NCEH1: variants seen among roughly 807,000 people sequenced by gnomAD.
NCEH1 encodes neutral cholesterol ester hydrolase 1.
NCEH1 carries 9 observed loss-of-function variants against 25.4 expected under a neutral mutation model. The ratio of observed to expected loss-of-function variants is 0.35; its 90% CI spans 0.21 to 0.62. The LOEUF (loss-of-function observed/expected upper bound fraction) is 0.62. Among genes scored for constraint, NCEH1 ranks in the 20% least tolerant of loss-of-function variants. NCEH1 has a pLI of 0.72. For synonymous variants in NCEH1, 200 were observed against 199.8 expected (o/e 1.00, Z -0.01); for missense variants, 412 against 501.1 (o/e 0.82, Z 1.70).
intron 2 of NCEH1, 48 bp downstream of exon 2, chr3:172,647,838 C>G: frequency 1.9e-6 from 3 of 1,609,080 alleles, no homozygotes; most frequent in Non-Finnish European, 2.5e-6. Flanking sequence ...CGCATCTCCC[C>G]CAAGGCCAAC....
In NCEH1 at chr3:172,633,468, T is replaced by C. The variant is rs1716457095; in HGVS notation, c.*7A>G. On this transcript the variant is annotated 3_prime_UTR_variant, in exon 5 of 5. Transcript: ENST00000475381. The stretch of plus-strand genomic sequence containing the variant: ...AGGGGCTCGAGGCTTCTGGAAGTTT[T>C]GCTCCTTTACAGGTTTTGATCTAGC... The C allele has an allele frequency of 6.2e-7, 1 of 1,608,038 alleles. No individual in the cohort carries two copies. The highest frequency in any genetic ancestry group is 8.5e-7 in the Non-Finnish European group (1 of 1,176,072).
At chr3:172,676,405 T>C (rs1711999393) in intron 1 of NCEH1, among the ~76,000 whole-genome samples, 2 of 152,126 alleles carry the variant, frequency 1.3e-5, no homozygotes, top group Admixed American at 1.3e-4. Flanking sequence ...TAATACCATG[T>C]GTTCAGAACA....
In NCEH1 at chr3:172,631,759, T is replaced by C. The variant is rs570468296; in HGVS notation, c.*1716A>G. ...AACTTTTCATTTGTTATTTCGTTGCTGGAAGTGGGAAATACCCCATCTTCC... is the reference window on the plus strand; with the variant it reads ...AACTTTTCATTTGTTATTTCGTTGCCGGAAGTGGGAAATACCCCATCTTCC... On this transcript the variant is annotated 3_prime_UTR_variant, in exon 5 of 5. Transcript: ENST00000475381. 2 of 152,716 alleles carry C rather than the reference T, an allele frequency of 1.3e-5. No homozygotes were observed. Among genetic ancestry groups the C allele is most frequent in the Admixed American group, 6.5e-5 (1 of 15,308 alleles). 9.5% of individuals were successfully genotyped at this position (152,716 alleles called of 1,614,324 possible).
At chr3:172,664,772 G>A (rs1718127647) in intron 1 of NCEH1, among the ~76,000 whole-genome samples, 1 of 152,058 alleles carries the variant, frequency 6.6e-6, no homozygotes, top group African/African-American at 2.4e-5. Flanking sequence ...TTGTGCATGT[G>A]TCACGTAGTT....
intron 1 of NCEH1, among the ~76,000 whole-genome samples, chr3:172,683,797 G>C (rs1712543950): frequency 6.6e-6 from 1 of 152,184 alleles, no homozygotes; most frequent in African/African-American, 2.4e-5. Context: ...TTTTCAAGAA[G>C]AATACATCTA....
At chr3:172,698,628 T>C (rs747814632) in intron 1 of NCEH1, among the ~76,000 whole-genome samples, 1 of 152,216 alleles carries the variant, frequency 6.6e-6, no homozygotes, top group Middle Eastern at 3.2e-3. Flanking sequence ...CAGATGACTA[T>C]CAAATGTGGA....
chr3:172,681,093 C>T (rs1377699404), intron 1 of NCEH1: 1 of 151,154 alleles, frequency 6.6e-6, no homozygotes, highest in African/African-American at 2.4e-5. Flanking sequence ...ACCATAGAGG[C>T]TCAGGGCCCT....
intron 1 of NCEH1, among the ~76,000 whole-genome samples, chr3:172,685,949 G>T (rs1712672081): frequency 6.6e-6 from 1 of 152,182 alleles, no homozygotes; most frequent in Non-Finnish European, 1.5e-5. Context: ...ACAGCAGATG[G>T]AGGACACAAC....
chr3:172,633,130 A>G lies in NCEH1; in HGVS notation c.*345T>C, dbSNP rs1222162241. The G allele has an allele frequency of 1.2e-5, 3 of 252,276 alleles. No homozygotes were observed. The highest frequency in any genetic ancestry group is 2.3e-5 in the Non-Finnish European group (3 of 130,370). The allele number at this position is 252,276 out of a possible 1,614,324, so 15.6% of individuals were successfully genotyped here. Reference sequence around the variant, plus strand: ...TCACTCTATGATCCAGAGCTGGAAGAACTGCTTCTAAAAAGAACGTCCTAA... The same window carrying G: ...TCACTCTATGATCCAGAGCTGGAAGGACTGCTTCTAAAAAGAACGTCCTAA... On this transcript the variant is annotated 3_prime_UTR_variant, in exon 5 of 5. Coordinates refer to ENST00000475381, the MANE Select transcript of NCEH1 (RefSeq NM_020792.6).
intron 3 of NCEH1, among the ~76,000 whole-genome samples, chr3:172,644,562 C>T (rs2108494362): frequency 6.6e-6 from 1 of 152,298 alleles, no homozygotes; most frequent in East Asian, 1.9e-4. Flanking sequence ...GACTTATTCC[C>T]CTACCCCATC....
At chr3:172,673,012 T>C (rs1420611554) in intron 1 of NCEH1, among the ~76,000 whole-genome samples, 2 of 152,190 alleles carry the variant, frequency 1.3e-5, no homozygotes, top group Admixed American at 6.5e-5. Flanking sequence ...ACTGCCATCA[T>C]AGCATAGGAG....
intron 1 of NCEH1, among the ~76,000 whole-genome samples, chr3:172,694,370 T>TTATA (rs141179712): frequency 0.12 from 18,264 of 149,484 alleles, 1,223 homozygotes; most frequent in Non-Finnish European, 0.16. Context: ...GGGGAAAGAG[T>TTATA]TATATATATG....
intron 1 of NCEH1, among the ~76,000 whole-genome samples, chr3:172,692,438 G>T (rs1713116207): frequency 6.6e-6 from 1 of 152,138 alleles, no homozygotes; most frequent in Admixed American, 6.6e-5. Context: ...GCTCACTGTA[G>T]CCTCAATTTC....
intron 1 of NCEH1, among the ~76,000 whole-genome samples, chr3:172,705,802 G>T (rs1713947575): frequency 6.6e-6 from 1 of 152,074 alleles, no homozygotes; most frequent in Non-Finnish European, 1.5e-5. Flanking sequence ...TTCAAAACCA[G>T]CCTGACCAAC....
intron 2 of NCEH1, among the ~76,000 whole-genome samples, chr3:172,647,289 C>T (rs1020618414): frequency 6.6e-6 from 1 of 152,204 alleles, no homozygotes; most frequent in African/African-American, 2.4e-5. Context: ...CTCTGTTTGG[C>T]TGCCTGCCAT....
At chr3:172,696,053 C>A (rs1023274593) in intron 1 of NCEH1, among the ~76,000 whole-genome samples, 1 of 152,090 alleles carries the variant, frequency 6.6e-6, no homozygotes, top group Non-Finnish European at 1.5e-5. Context: ...AATCTACGGA[C>A]CCTAAAACTT....
intron 3 of NCEH1, among the ~76,000 whole-genome samples, chr3:172,644,221 A>AGTGACTAGGGCTTTGGG (rs1717005881): frequency 7.9e-6 from 1 of 126,058 alleles, no homozygotes; most frequent in Non-Finnish European, 1.7e-5. Flanking sequence ...AGGGCTTTTG[A>AGTGACTAGGGCTTTGGG]GTGACTCTAG....
At chr3:172,666,621 T>A (rs1283489630) in intron 1 of NCEH1, among the ~76,000 whole-genome samples, 1 of 152,202 alleles carries the variant, frequency 6.6e-6, no homozygotes, top group African/African-American at 2.4e-5. Context: ...ACCCTGGTGT[T>A]CCTCCAGTCA....
At position 172,633,450 on chromosome 3, in the gene NCEH1, C is replaced by T. The variant is rs778924157; in HGVS notation, c.*25G>A. 52 of 1,596,506 alleles carry T rather than the reference C, an allele frequency of 3.3e-5. No individual in the cohort carries two copies. In the Middle Eastern group the frequency reaches 5.0e-4, roughly 15 times the overall value. ...CAGGTGTAGGAGGTCAAGAGGGGCT[C>T]GAGGCTTCTGGAAGTTTTGCTCCTT... On this transcript the variant is annotated 3_prime_UTR_variant, in exon 5 of 5. Transcript: ENST00000475381.
Sources: gnomAD v4.1 joint callset for allele counts (sites outside exome capture counted in the v4.1 genomes callset) on GRCh38, gnomAD v4.1.1 for gene constraint, MANE v1.5 for transcripts, NCBI Gene and HGNC (gene_info 2026-07-23, HGNC 2026-07-21) for gene names.